MAP4K4: variants seen among roughly 807,000 people sequenced by gnomAD.
MAP4K4 encodes the protein HPK/GCK-like kinase HGK.
Under a neutral mutation model 189.6 loss-of-function variants are expected in MAP4K4, and 38 were observed. The observed-to-expected ratio is 0.20, with a 90% CI of 0.15 to 0.26. The LOEUF is 0.26. MAP4K4 is among the 10% of genes least tolerant of loss of function. MAP4K4 has a pLI of 1.00. For synonymous variants in MAP4K4, 610 were observed against 624.3 expected, an observed-to-expected ratio of 0.98 and a Z score of 0.34; for missense variants, 1,054 against 1,726.9, an observed-to-expected ratio of 0.61 and a Z score of 6.91.
At chr2:101,891,140 T>C in intron 32 of MAP4K4, 26 bp from the exon 33 acceptor site, 1 of 1,587,254 alleles carries the variant, frequency 6.3e-7, no homozygotes, top group South Asian at 1.1e-5. Flanking sequence ...ATGGTAACCA[T>C]TCCCTCTCTT....
chr2:101,768,939 A>G (rs2079979160), intron 2 of MAP4K4, among the ~76,000 whole-genome samples: 1 of 152,226 alleles, frequency 6.6e-6, no homozygotes, highest in Non-Finnish European at 1.5e-5. Context: ...GCCTGTTCAG[A>G]GTCTTCTAAT....
intron 2 of MAP4K4, among the ~76,000 whole-genome samples, chr2:101,760,338 A>C (rs1439846084): frequency 1.3e-5 from 2 of 151,812 alleles, no homozygotes; most frequent in Admixed American, 1.3e-4. Flanking sequence ...AAAATACAAA[A>C]ATTAGCCAGA....
At chr2:101,874,212 G>T in exon 26 of MAP4K4, 1 of 1,612,686 alleles carries the variant, frequency 6.2e-7, no homozygotes, top group Non-Finnish European at 8.5e-7. Context: ...GTAAATACAA[G>T]AAGAGGTTTA....
At chr2:101,792,208 C>T (rs927457589) in intron 3 of MAP4K4, among the ~76,000 whole-genome samples, 1 of 152,152 alleles carries the variant, frequency 6.6e-6, no homozygotes, top group Admixed American at 6.5e-5. Context: ...TGCATCTTGC[C>T]GGTGCTGTGT....
chr2:101,891,125 T>C, intron 32 of MAP4K4, 41 bp from the exon 33 acceptor site: 1 of 1,515,718 alleles, frequency 6.6e-7, no homozygotes, highest in South Asian at 1.1e-5. Context: ...AAGTGCTTCA[T>C]GACCATGGTA....
intron 3 of MAP4K4, among the ~76,000 whole-genome samples, chr2:101,792,461 T>TTAC (rs1290429512): frequency 1.3e-5 from 2 of 152,176 alleles, no homozygotes; most frequent in African/African-American, 4.8e-5. Context: ...GCCTTCTCTG[T>TTAC]AGAGCTCTTC....
intron 3 of MAP4K4, among the ~76,000 whole-genome samples, chr2:101,820,268 AG>A (rs1376868978): frequency 1.3e-5 from 2 of 152,186 alleles, no homozygotes; most frequent in Non-Finnish European, 2.9e-5. Context: ...AGAGTGTGAT[AG>A]GGAACAATGA....
At chr2:101,780,529 A>G (rs2086787598) in intron 2 of MAP4K4, among the ~76,000 whole-genome samples, 2 of 152,222 alleles carry the variant, frequency 1.3e-5, no homozygotes, top group African/African-American at 2.4e-5. Flanking sequence ...CCATTATAAT[A>G]AACAAGCTTT....
chr2:101,784,098 C>T (rs2089286852), intron 2 of MAP4K4, among the ~76,000 whole-genome samples: 1 of 152,196 alleles, frequency 6.6e-6, no homozygotes, highest in South Asian at 2.1e-4. Flanking sequence ...CTTGAAGGCT[C>T]AGCCGCAGCC....
chr2:101,834,372 A>C (rs897122847), intron 7 of MAP4K4, 37 bp from the exon 8 acceptor site: 1 of 1,512,664 alleles, frequency 6.6e-7, no homozygotes, highest in East Asian at 2.3e-5. Context: ...CTTTGTATCT[A>C]CTCCAGTATC....
At position 101,835,758 on chromosome 2, in the gene MAP4K4, A is replaced by G. The variant is rs2096732205; in HGVS notation, c.695-142A>G. ...ATTCAAGATATGCCCTGGAGTTCATAACTAGATGTCTAGACTGCTTGGTAT... is the reference window on the plus strand; with the variant it reads ...ATTCAAGATATGCCCTGGAGTTCATGACTAGATGTCTAGACTGCTTGGTAT... On this transcript the variant is annotated intron_variant, in intron 8 of 32. Transcript: ENST00000324219. 7.3e-5 allele frequency: 39 copies of G among 535,388 alleles called. No individual in the cohort carries two copies. In the South Asian group the frequency reaches 1.1e-3, roughly 16 times the overall value. The allele number at this position is 535,388 out of a possible 1,614,324, so 33.2% of individuals were successfully genotyped here.
chr2:101,698,596 C>A, intron 2 of MAP4K4, 58 bp downstream of exon 2: 1 of 1,507,764 alleles, frequency 6.6e-7, no homozygotes, highest in Admixed American at 1.7e-5. Flanking sequence ...TATTGGGGGA[C>A]GAGGAGAGGG....
exon 33 of MAP4K4, chr2:101,894,076 C>T (rs1263074034): frequency 2.6e-5 from 4 of 152,238 alleles, no homozygotes; most frequent in African/African-American, 4.8e-5. Flanking sequence ...TGGGAGTCGT[C>T]GAAATGTTTA....
intron 2 of MAP4K4, among the ~76,000 whole-genome samples, chr2:101,760,867 G>A (rs2076075132): frequency 6.6e-6 from 1 of 152,136 alleles, no homozygotes; most frequent in South Asian, 2.1e-4. Context: ...GCTGGGCGTG[G>A]TGGCGCATGC....
chr2:101,718,658 G>A (rs2049973177), intron 2 of MAP4K4, among the ~76,000 whole-genome samples: 1 of 151,600 alleles, frequency 6.6e-6, no homozygotes, highest in African/African-American at 2.4e-5. Flanking sequence ...GAGAGGCAAA[G>A]GAGGTGCTGA....
At chr2:101,868,253 A>G (rs1245445602) in intron 21 of MAP4K4, among the ~76,000 whole-genome samples, 1 of 152,214 alleles carries the variant, frequency 6.6e-6, no homozygotes, top group Non-Finnish European at 1.5e-5. Flanking sequence ...CTGTTTAAAA[A>G]GCTTCAGCTA....
rs60472010 is a variant in MAP4K4 at position 101,792,597 on chromosome 2, T to TCTCCTCCTCCTCCTCCTCCTC, written c.180+1833_180+1853dup. ...ATACTTACTGCCACCTTCTCCTCCT[T>TCTCCTCCTCCTCCTCCTCCTC]CTCCTCCTCCTCCTCCTCCTCCTCC... On this transcript the variant is annotated intron_variant, in intron 3 of 32. Coordinates refer to ENST00000324219, the Ensembl canonical transcript of MAP4K4. 1.4e-3 allele frequency among the ~76,000 whole-genome samples: 199 copies of TCTCCTCCTCCTCCTCCTCCTC among 144,866 alleles called. 4 individuals are homozygous for TCTCCTCCTCCTCCTCCTCCTC. Among genetic ancestry groups the TCTCCTCCTCCTCCTCCTCCTC allele is most frequent in the African/African-American group, 5.1e-3 (187 of 36,572 alleles).
intron 2 of MAP4K4, among the ~76,000 whole-genome samples, chr2:101,728,884 T>C (rs188513491): frequency 2.0e-5 from 3 of 152,294 alleles, no homozygotes; most frequent in East Asian, 3.9e-4. Flanking sequence ...CTATATCTTG[T>C]AGTATGTGAG....
intron 23 of MAP4K4, 62 bp from the exon 24 acceptor site, chr2:101,871,432 A>G (rs2098018155): frequency 1.8e-5 from 25 of 1,353,624 alleles, no homozygotes; most frequent in Middle Eastern, 1.8e-4. Flanking sequence ...GCAGTTATCA[A>G]TAGGGCCATA....
Sources: allele counts gnomAD v4.1 joint callset (sites outside exome capture counted in the v4.1 genomes callset), GRCh38; gene constraint gnomAD v4.1.1; transcripts MANE v1.5; gene names NCBI Gene and HGNC (gene_info 2026-07-23, HGNC 2026-07-21).